CACNA2D4: variants seen among roughly 807,000 people sequenced by gnomAD.
CACNA2D4 encodes the protein calcium voltage-gated channel auxiliary subunit alpha2delta 4.
CACNA2D4 carries 157 observed loss-of-function variants against 163.8 expected under a neutral mutation model. That is an observed-to-expected ratio of 0.96 (90% CI 0.84 to 1.09). CACNA2D4 has a LOEUF of 1.09. Ranked by LOEUF, CACNA2D4 falls within the 50% of genes least tolerant of loss-of-function variation. The pLI, the probability that CACNA2D4 is intolerant of heterozygous loss-of-function variation, is 0.00. For missense variants in CACNA2D4, 1,410 were observed against 1,479.9 expected, an observed-to-expected ratio of 0.95 and a Z score of 0.78; for synonymous variants, 598 against 586.9, an observed-to-expected ratio of 1.02 and a Z score of -0.27.
At chr12:1,867,671 A>G (rs1216899150) in intron 18 of CACNA2D4, among the ~76,000 whole-genome samples, 1 of 152,228 alleles carries the variant, frequency 6.6e-6, no homozygotes, top group Non-Finnish European at 1.5e-5. Flanking sequence ...TAAGGGACAT[A>G]AAAATCTTAT....
At chr12:1,900,131 A>C (rs1866501535) in intron 6 of CACNA2D4, among the ~76,000 whole-genome samples, 1 of 152,176 alleles carries the variant, frequency 6.6e-6, no homozygotes. Flanking sequence ...AGAATTGTTA[A>C]TAAAAATTGT....
chr12:1,851,679 GTT>G lies in CACNA2D4; in HGVS notation c.2246+2270_2246+2271del, dbSNP rs71057803. Among the ~76,000 whole-genome samples the G allele has an allele frequency of 5.6e-3, 358 of 63,472 alleles. 2 individuals carry two copies. The highest frequency in any genetic ancestry group is 0.014 in the African/African-American group (264 of 19,072). The allele number at this position is 63,472 out of a possible 152,430, so 41.6% of individuals were successfully genotyped here. ...TGTGTGTGTGTGTGTGTGTGTGTGCGTTTTTTTTTTTTTTTTCCAGAGATTTC... is the reference window on the plus strand; with the variant it reads ...TGTGTGTGTGTGTGTGTGTGTGTGCGTTTTTTTTTTTTTTCCAGAGATTTC... On this transcript the variant is annotated intron_variant, in intron 23 of 37. Coordinates refer to ENST00000382722, the MANE Select transcript of CACNA2D4 (RefSeq NM_172364.5).
intron 31 of CACNA2D4, 60 bp from the exon 32 acceptor site, chr12:1,800,498 C>A (rs545069814): frequency 2.9e-4 from 440 of 1,537,946 alleles, no homozygotes; most frequent in African/African-American, 2.4e-3. Flanking sequence ...GTGCCCCCCC[C>A]CCACCACCAG....
intron 26 of CACNA2D4, among the ~76,000 whole-genome samples, chr12:1,823,624 AC>A (rs1338268189): frequency 6.6e-6 from 1 of 151,194 alleles, no homozygotes; most frequent in African/African-American, 2.4e-5. Flanking sequence ...TCAGCACACA[AC>A]CCCCAGCCAG....
In CACNA2D4 at chr12:1,793,605, A is replaced by C; in HGVS notation, c.*50T>G. On this transcript the variant is annotated 3_prime_UTR_variant, in exon 38 of 38. Coordinates refer to ENST00000382722, the MANE Select transcript of CACNA2D4 (RefSeq NM_172364.5). ...CCCATGTCAGTGCTGACTTTTTGGG[A>C]TGGCTCTGGAAGGATCACCTTGCCA... The C allele has an allele frequency of 6.5e-7, 1 of 1,535,894 alleles. No individual in the cohort carries two copies. Among genetic ancestry groups the C allele is most frequent in the Non-Finnish European group, 9.0e-7 (1 of 1,108,988 alleles).
chr12:1,913,728 C>G (rs1366782926), intron 2 of CACNA2D4, among the ~76,000 whole-genome samples: 1 of 152,218 alleles, frequency 6.6e-6, no homozygotes, highest in African/African-American at 2.4e-5. Context: ...TGGGTTTTCT[C>G]TCTGGGCCCA....
chr12:1,918,470 C>A lies in CACNA2D4; in HGVS notation c.4G>T (p.Val2Phe). Reference protein sequence around the residue: MVCGCSALLPLP... With the variant: MFCGCSALLPLP... ...GGAAGGAGGGCAGAGCAGCCACAGA[C>A]CATGAGCTCTGTCTGCCTTCCTCCC... Residue 2 changes from valine to phenylalanine, a missense_variant, in exon 1 of 38, where the codon GTC becomes TTC. Coordinates refer to ENST00000382722, the MANE Select transcript of CACNA2D4 (RefSeq NM_172364.5). The A allele has an allele frequency of 6.4e-7, 1 of 1,559,092 alleles. No individual in the cohort carries two copies. The highest frequency in any genetic ancestry group is 8.7e-7 in the Non-Finnish European group (1 of 1,151,664).
intron 6 of CACNA2D4, among the ~76,000 whole-genome samples, chr12:1,896,408 C>A (rs1445487264): frequency 1.3e-5 from 2 of 152,010 alleles, no homozygotes; most frequent in Non-Finnish European, 2.9e-5. Context: ...CAAAACAAAA[C>A]AAATAATCCC....
rs147591513 is a variant in CACNA2D4, at chr12:1,898,829, C to T, written c.781+8611G>A. Among the ~76,000 whole-genome samples the T allele has an allele frequency of 7.2e-5, 11 of 152,144 alleles. No homozygotes were observed. In the East Asian group the frequency reaches 2.1e-3, roughly 29 times the overall value. ...TATGCTAAGTGAAGGAAGCCCATCA[C>T]AAAATGACAAATACTGTATGTTTCT... On this transcript the variant is annotated intron_variant, in intron 6 of 37. Transcript: ENST00000382722.
At chr12:1,849,540 A>C (rs2154448090) in intron 23 of CACNA2D4, among the ~76,000 whole-genome samples, 1 of 152,314 alleles carries the variant, frequency 6.6e-6, no homozygotes. Flanking sequence ...TAGCTGTTTC[A>C]TTTGCTTTCA....
chr12:1,890,743 C>T (rs1373388650), intron 6 of CACNA2D4, among the ~76,000 whole-genome samples: 1 of 152,224 alleles, frequency 6.6e-6, no homozygotes, highest in Non-Finnish European at 1.5e-5. Context: ...GACAGGTCCA[C>T]CTGACCTGGC....
intron 25 of CACNA2D4, among the ~76,000 whole-genome samples, chr12:1,841,683 T>C (rs1865028128): frequency 6.6e-6 from 1 of 152,220 alleles, no homozygotes; most frequent in Admixed American, 6.5e-5. Flanking sequence ...TGATGTGCTA[T>C]CACATTTTGT....
chr12:1,794,265 C>T (rs1863050397), intron 37 of CACNA2D4, among the ~76,000 whole-genome samples: 1 of 152,174 alleles, frequency 6.6e-6, no homozygotes, highest in East Asian at 1.9e-4. Context: ...AAGCGTGGCT[C>T]TTCGTTAAAG....
intron 6 of CACNA2D4, among the ~76,000 whole-genome samples, chr12:1,890,054 G>T (rs1187685257): frequency 6.6e-6 from 1 of 152,148 alleles, no homozygotes; most frequent in Non-Finnish European, 1.5e-5. Flanking sequence ...GCCTCTCCAG[G>T]TTGCTCAATG....
intron 26 of CACNA2D4, chr12:1,831,311 C>T: frequency 1.9e-6 from 3 of 1,613,816 alleles, no homozygotes; most frequent in Non-Finnish European, 2.5e-6. Context: ...TGGACCTGTC[C>T]ATCAACGGCC....
intron 3 of CACNA2D4, among the ~76,000 whole-genome samples, chr12:1,912,210 C>T (rs1258045817): frequency 2.6e-5 from 4 of 152,228 alleles, no homozygotes; most frequent in African/African-American, 9.6e-5. Context: ...CCGATCTCCT[C>T]TCTCCTTGTT....
Position 1,885,029 on chromosome 12 carries a change from G to A in CACNA2D4, c.1116C>T (p.Val372=), listed in dbSNP as rs371049767. 5.2e-5 allele frequency: 84 copies of A among 1,613,750 alleles called. No individual in the cohort carries two copies. In the African/African-American group the frequency reaches 8.3e-4, roughly 16 times the overall value. The change falls in exon 10 of 38, where the codon GTC becomes GTT. Residue 372 remains valine, a synonymous_variant. Transcript: ENST00000382722. ...AGGCTTCTCTCAGGGCTTGGTCCAC[G>A]ACCCCCACACCTTTGACCATCAACT... ...VEELMVKGVG[V]VDQALREAFQ... is the part of the protein sequence containing the mutation.
intron 25 of CACNA2D4, 99 bp from the exon 26 acceptor site, chr12:1,840,918 G>A (rs1865008694): frequency 6.8e-6 from 7 of 1,033,206 alleles, no homozygotes; most frequent in Non-Finnish European, 3.0e-6. Flanking sequence ...ATAAAAGCAG[G>A]CGAAGGCATC....
At chr12:1,797,738 G>A in intron 34 of CACNA2D4, 1 of 604,844 alleles carries the variant, frequency 1.7e-6, no homozygotes, top group Non-Finnish European at 2.9e-6. Flanking sequence ...GGGTGGCTTG[G>A]CACGGGGAGC....
Sources: gnomAD v4.1 joint callset for allele counts (sites outside exome capture counted in the v4.1 genomes callset) on GRCh38, gnomAD v4.1.1 for gene constraint, MANE v1.5 for transcripts, NCBI Gene and HGNC (gene_info 2026-07-23, HGNC 2026-07-21) for gene names.